RNF150: variants seen among roughly 807,000 people sequenced by gnomAD.
RNF150 encodes the protein ring finger protein 150.
In RNF150, 24 loss-of-function variants were observed where a neutral mutation model predicts 39.3. That is an observed-to-expected ratio of 0.61 (90% CI 0.44 to 0.86). RNF150 has a LOEUF of 0.86. Ranked by LOEUF, RNF150 falls within the 40% of genes least tolerant of loss-of-function variation. The pLI, the probability that RNF150 is intolerant of heterozygous loss-of-function variation, is 0.00. For missense variants in RNF150, 502 were observed against 587.8 expected, an observed-to-expected ratio of 0.85 and a Z score of 1.51; for synonymous variants, 255 against 227.3, an observed-to-expected ratio of 1.12 and a Z score of -1.10.
chr4:140,980,457 C>T (rs937961765), intron 1 of RNF150, among the ~76,000 whole-genome samples: 3 of 152,062 alleles, frequency 2.0e-5, no homozygotes, highest in Non-Finnish European at 2.9e-5. Flanking sequence ...CTATTCTGTA[C>T]CATTGGAATG....
chr4:141,069,817 A>G (rs1737619807), intron 1 of RNF150, among the ~76,000 whole-genome samples: 1 of 151,980 alleles, frequency 6.6e-6, no homozygotes, highest in South Asian at 2.1e-4. Flanking sequence ...GAATGTATCC[A>G]TTTCTTCTAG....
chr4:140,909,801 A>C (rs1730522790), intron 6 of RNF150, among the ~76,000 whole-genome samples: 1 of 152,146 alleles, frequency 6.6e-6, no homozygotes, highest in Non-Finnish European at 1.5e-5. Context: ...TGAGATCTTT[A>C]TACCTATAAA....
intron 1 of RNF150, among the ~76,000 whole-genome samples, chr4:141,049,269 A>T (rs977038857): frequency 4.8e-5 from 7 of 146,860 alleles, no homozygotes; most frequent in Non-Finnish European, 1.1e-4. Context: ...CCAACAAAAT[A>T]AAAAAAAAAA....
At chr4:140,896,543 C>T (rs1183253903) in intron 6 of RNF150, among the ~76,000 whole-genome samples, 1 of 79,172 alleles carries the variant, frequency 1.3e-5, no homozygotes, top group Non-Finnish European at 2.5e-5. Flanking sequence ...GTGGTGGGGT[C>T]GGGGGAGGGG....
At position 141,166,479 on chromosome 4, in the gene RNF150, GAC is replaced by G. The variant is rs1388829173; in HGVS notation, c.-6+46313_-6+46314del. 6.6e-5 allele frequency among the ~76,000 whole-genome samples: 10 copies of G among 152,218 alleles called. No individual in the cohort carries two copies. The East Asian group carries it at 1.9e-3, about 29-fold the overall frequency. On this transcript the variant is annotated intron_variant, in intron 1 of 7. Transcript: ENST00000420921. ...CATCCTGATACCAAAACCTGGCAGA[GAC>G]ACAACAGAAAAAGAAAATTTCAGGC...
chr4:140,983,600 C>T (rs1733928339), intron 1 of RNF150, among the ~76,000 whole-genome samples: 1 of 152,070 alleles, frequency 6.6e-6, no homozygotes, highest in African/African-American at 2.4e-5. Flanking sequence ...TGGCCTGCAC[C>T]TGTGCCATTT....
At chr4:141,106,697 G>A (rs896180974) in intron 1 of RNF150, among the ~76,000 whole-genome samples, 1 of 152,092 alleles carries the variant, frequency 6.6e-6, no homozygotes, top group Non-Finnish European at 1.5e-5. Context: ...GGGAGGGTGA[G>A]GCAGGAGAAT....
At chr4:140,999,937 C>CAAAAAAAAA (rs35155778) in intron 1 of RNF150, among the ~76,000 whole-genome samples, 1 of 30,818 alleles carries the variant, frequency 3.2e-5, no homozygotes, top group African/African-American at 8.5e-5. Flanking sequence ...GACTTGGTCT[C>CAAAAAAAAA]AAAAAAAGAA....
chr4:141,045,074 A>G (rs1183800305), intron 1 of RNF150, among the ~76,000 whole-genome samples: 1 of 152,246 alleles, frequency 6.6e-6, no homozygotes, highest in Non-Finnish European at 1.5e-5. Context: ...AAAAACTGGC[A>G]GCCTTGTGAG....
rs1310505652 is a variant in RNF150, at chr4:140,867,723, A to G, written c.*538T>C. ...CACTTCTCAAAGCCATGCACACTTC[A>G]TGCTGGGAGGTCAAGACCACATATC... On this transcript the variant is annotated 3_prime_UTR_variant, in exon 7 of 7. Transcript: ENST00000515673. 1.3e-5 allele frequency: 2 copies of G among 152,468 alleles called. No homozygotes were observed. The highest frequency in any genetic ancestry group is 4.8e-5 in the African/African-American group (2 of 41,462). 9.4% of individuals were successfully genotyped at this position (152,468 alleles called of 1,614,324 possible). A position where few individuals can be genotyped will look rare whatever the true frequency, so the allele number is the denominator to read the frequency against.
At chr4:141,110,398 G>A (rs948165034) in intron 1 of RNF150, among the ~76,000 whole-genome samples, 1 of 151,944 alleles carries the variant, frequency 6.6e-6, no homozygotes, top group Non-Finnish European at 1.5e-5. Context: ...TTAAAGCAAG[G>A]CCCCTAAGCC....
At chr4:141,130,334 T>TA (rs1326686796) in intron 1 of RNF150, among the ~76,000 whole-genome samples, 1 of 151,922 alleles carries the variant, frequency 6.6e-6, no homozygotes, top group East Asian at 1.9e-4. Context: ...CAGAAGATAA[T>TA]ATGGAGTTTC....
At chr4:141,021,517 C>G (rs1735491442) in intron 1 of RNF150, among the ~76,000 whole-genome samples, 1 of 152,154 alleles carries the variant, frequency 6.6e-6, no homozygotes, top group East Asian at 1.9e-4. Flanking sequence ...GGCATAATCA[C>G]TCAATGTGCC....
chr4:140,904,582 C>T (rs911850861), intron 6 of RNF150, among the ~76,000 whole-genome samples: 2 of 152,218 alleles, frequency 1.3e-5, no homozygotes, highest in Admixed American at 1.3e-4. Context: ...AATGGTTGAT[C>T]TAAATGTATT....
At chr4:141,020,021 A>G (rs576615606) in intron 1 of RNF150, among the ~76,000 whole-genome samples, 14 of 152,046 alleles carry the variant, frequency 9.2e-5, no homozygotes, top group Admixed American at 3.9e-4. Flanking sequence ...GTTTCTCTAC[A>G]GTCTCATGTA....
At chr4:141,002,527 G>T (rs930107035) in intron 1 of RNF150, among the ~76,000 whole-genome samples, 2 of 152,114 alleles carry the variant, frequency 1.3e-5, no homozygotes, top group African/African-American at 2.4e-5. Context: ...TACTTCCCCT[G>T]TGAGTTGCTC....
chr4:141,196,427 G>C (rs1249529442), intron 1 of RNF150, among the ~76,000 whole-genome samples: 1 of 152,080 alleles, frequency 6.6e-6, no homozygotes, highest in Non-Finnish European at 1.5e-5. Context: ...TGTTGGATTT[G>C]ATTGCCCCAG....
intron 1 of RNF150, among the ~76,000 whole-genome samples, chr4:141,015,188 T>C (rs187905673): frequency 6.6e-6 from 1 of 152,318 alleles, no homozygotes; most frequent in Admixed American, 6.5e-5. Context: ...GTGTCTGCTT[T>C]TATGCTAGTA....
intron 6 of RNF150, among the ~76,000 whole-genome samples, chr4:140,897,740 T>C (rs892801963): frequency 2.0e-5 from 3 of 152,212 alleles, no homozygotes; most frequent in Admixed American, 6.5e-5. Flanking sequence ...TTCTCTTCTA[T>C]ACAGTAACAT....
Sources: allele counts gnomAD v4.1 joint callset (sites outside exome capture counted in the v4.1 genomes callset), GRCh38; gene constraint gnomAD v4.1.1; transcripts MANE v1.5; gene names NCBI Gene and HGNC (gene_info 2026-07-23, HGNC 2026-07-21).